The following MDM4 variants were observed in gnomAD, a reference collection of about 807,000 sequenced individuals.
MDM4 encodes MDM4 regulator of p53.
A neutral mutation model predicts 60.2 loss-of-function variants in MDM4; 2 were observed. The observed-to-expected ratio is 0.03, with a 90% CI of 0.01 to 0.10. The LOEUF (loss-of-function observed/expected upper bound fraction) is 0.10, where lower values mean the gene tolerates loss of function less well. Among genes scored for constraint, MDM4 ranks in the 10% least tolerant of loss-of-function variants. The pLI is 1.00. For synonymous variants in MDM4, 202 were observed against 198.1 expected (o/e 1.02, Z -0.17); for missense variants, 447 against 577.5 (o/e 0.77, Z 2.32).
At chr1:204,542,719 C>A in intron 7 of MDM4, 65 bp from the exon 8 acceptor site, 2 of 1,239,010 alleles carry the variant, frequency 1.6e-6, no homozygotes, top group Non-Finnish European at 2.2e-6. Context: ...TTTAAGTATT[C>A]TAAAGATAGT....
chr1:204,533,940 A>G (rs1306317799), intron 5 of MDM4, among the ~76,000 whole-genome samples: 1 of 151,892 alleles, frequency 6.6e-6, no homozygotes, highest in Non-Finnish European at 1.5e-5. Flanking sequence ...ATGGCACTGC[A>G]CTGCACCTGG....
intron 1 of MDM4, among the ~76,000 whole-genome samples, chr1:204,520,831 G>A (rs1265612720): frequency 6.6e-6 from 1 of 152,094 alleles, no homozygotes; most frequent in East Asian, 1.9e-4. Flanking sequence ...AGCTATGTTT[G>A]TGCCACTGTA....
At chr1:204,545,868 G>T (rs1307762311) in intron 9 of MDM4, among the ~76,000 whole-genome samples, 3 of 152,170 alleles carry the variant, frequency 2.0e-5, no homozygotes, top group African/African-American at 7.2e-5. Context: ...AAAATACTTG[G>T]CCATTTGTGA....
At chr1:204,523,182 T>C (rs892697728) in intron 1 of MDM4, among the ~76,000 whole-genome samples, 1 of 151,056 alleles carries the variant, frequency 6.6e-6, no homozygotes, top group Admixed American at 6.6e-5. Flanking sequence ...AAAAAAATTT[T>C]TTTTTGTCCA....
intron 3 of MDM4, chr1:204,529,059 A>G: frequency 1.3e-6 from 2 of 1,483,702 alleles, no homozygotes; most frequent in South Asian, 2.3e-5. Context: ...GTTGTAGCCC[A>G]TTTGGGACAG....
At chr1:204,526,458 ATTTTTTTTGTTT>A (rs1312634754) in intron 3 of MDM4, 24 bp downstream of exon 3, 7 of 1,415,088 alleles carry the variant, frequency 4.9e-6, no homozygotes, top group Non-Finnish European at 6.7e-6. Flanking sequence ...TAAAATTCTC[ATTTTTTTTGTTT>A]TTTTTTTTTT....
At chr1:204,538,908 T>C (rs1403238516) in intron 7 of MDM4, among the ~76,000 whole-genome samples, 1 of 144,814 alleles carries the variant, frequency 6.9e-6, no homozygotes, top group Non-Finnish European at 1.5e-5. Flanking sequence ...CTCATTCTTG[T>C]TACCTGGGCT....
intron 3 of MDM4, among the ~76,000 whole-genome samples, chr1:204,528,579 C>T (rs553256805): frequency 2.7e-4 from 41 of 152,304 alleles, no homozygotes; most frequent in African/African-American, 9.9e-4. Context: ...CAGGCTGTGC[C>T]ACTCAACTGC....
chr1:204,545,066 C>T (rs972169238), intron 9 of MDM4, among the ~76,000 whole-genome samples: 12 of 152,016 alleles, frequency 7.9e-5, no homozygotes, highest in African/African-American at 2.2e-4. Context: ...AGTTTTCTTG[C>T]GATTTTTTTT....
chr1:204,530,778 A>T lies in MDM4; in HGVS notation c.248A>T (p.Glu83Val). 1 of 1,613,902 alleles carries T rather than the reference A, an allele frequency of 6.2e-7. No homozygotes were observed. The highest frequency in any genetic ancestry group is 8.5e-7 in the Non-Finnish European group (1 of 1,179,968). ...TATTGTGGTGGAGATCTTTTGGGAGAACTACTGGGACGTCAGAGCTTCTCC... is the reference window on the plus strand; with the variant it reads ...TATTGTGGTGGAGATCTTTTGGGAGTACTACTGGGACGTCAGAGCTTCTCC... The part of the protein sequence containing the change: ...MVYCGGDLLG[E>V]LLGRQSFSVK... The change falls in exon 4 of 11, where the codon GAA (glutamate) becomes GTA (valine). Residue 83 changes from glutamate to valine, a missense_variant. Glu to Val is a moderately radical substitution (Grantham distance 121). Around this residue, in one of 8 missense-constraint regions of MDM4, gnomAD observed 31 missense variants for 87.6 expected, o/e 0.35. Transcript: ENST00000367182.
intron 9 of MDM4, among the ~76,000 whole-genome samples, chr1:204,545,212 A>T (rs1052193073): frequency 6.6e-6 from 1 of 152,206 alleles, no homozygotes; most frequent in Admixed American, 6.5e-5. Flanking sequence ...GTAGGAGAAA[A>T]CTTATTTCTT....
At chr1:204,547,667 A>C (rs1307510943) in intron 10 of MDM4, among the ~76,000 whole-genome samples, 1 of 152,246 alleles carries the variant, frequency 6.6e-6, no homozygotes, top group Non-Finnish European at 1.5e-5. Context: ...GTAATAAAGT[A>C]AAATATATTG....
Position 204,552,555 on chromosome 1 carries a change from C to G in MDM4, c.*2873C>G, listed in dbSNP as rs1220661030. 15 of 165,066 alleles carry G rather than the reference C, an allele frequency of 9.1e-5. No individual in the cohort carries two copies. In the Admixed American group the frequency reaches 9.7e-4, roughly 11 times the overall value. The allele number at this position is 165,066 out of a possible 1,614,324, so 10.2% of individuals were successfully genotyped here. A position where few individuals can be genotyped will look rare whatever the true frequency, so the allele number is the denominator to read the frequency against. On this transcript the variant is annotated 3_prime_UTR_variant, in exon 11 of 11. Transcript: ENST00000367182. ...GCCAGGCTGGTCTCGAACTCCTGAC[C>G]TCATGATCCACACACCTCGGCCTCC...
At chr1:204,533,759 T>TTTTC (rs201696563) in intron 5 of MDM4, among the ~76,000 whole-genome samples, 2 of 150,950 alleles carry the variant, frequency 1.3e-5, no homozygotes, top group Admixed American at 1.3e-4. Flanking sequence ...CTTTTTATCT[T>TTTTC]TTTCTTTCTT....
intron 3 of MDM4, chr1:204,528,732 G>A (rs1660516554): frequency 5.8e-6 from 4 of 689,306 alleles, no homozygotes; most frequent in Admixed American, 4.6e-5. Context: ...TCAAGCAAGG[G>A]AGAATGTTCT....
chr1:204,534,262 G>A (rs1277094933), intron 5 of MDM4, among the ~76,000 whole-genome samples: 5 of 152,302 alleles, frequency 3.3e-5, no homozygotes, highest in African/African-American at 1.2e-4. Context: ...TGATACGGCA[G>A]CTTTATTGAA....
rs59912938 is a variant in MDM4 at position 204,533,782 on chromosome 1, C to CTT, written c.343+1550_343+1551dup. On this transcript the variant is annotated intron_variant, in intron 5 of 10. Coordinates refer to ENST00000367182, the MANE Select transcript of MDM4 (RefSeq NM_002393.5). ...CTTTTTCTTTCTTTCTTTTCTTTTT[C>CTT]TTTTTTTTTTTTTTTAAATGTAGAG... 1.6e-3 allele frequency among the ~76,000 whole-genome samples: 223 copies of CTT among 139,238 alleles called. 3 individuals are homozygous for CTT. The highest frequency in any genetic ancestry group is 8.6e-3 in the South Asian group (38 of 4,420). 91.3% of individuals were successfully genotyped at this position (139,238 alleles called of 152,430 possible).
At chr1:204,520,792 C>T (rs1659497758) in intron 1 of MDM4, among the ~76,000 whole-genome samples, 1 of 152,164 alleles carries the variant, frequency 6.6e-6, no homozygotes, top group African/African-American at 2.4e-5. Flanking sequence ...GGGAGGATTA[C>T]TTGAGCCCAG....
In MDM4 at chr1:204,523,155, G is replaced by A. The variant is rs555955187; in HGVS notation, c.-35-2329G>A. Among the ~76,000 whole-genome samples the A allele has an allele frequency of 1.3e-4, 20 of 151,668 alleles. No homozygotes were observed. In the East Asian group the frequency reaches 4.0e-3, roughly 30 times the overall value. On this transcript the variant is annotated intron_variant, in intron 1 of 10. Transcript: ENST00000367182. The stretch of plus-strand genomic sequence containing the variant: ...TGGGATTACAGGCATGGGCCAGCGT[G>A]CCCGGCTGATAGTCTTAAAAAAATT...
Sources: gnomAD v4.1 joint callset for allele counts (sites outside exome capture counted in the v4.1 genomes callset) on GRCh38, gnomAD v4.1.1 for gene constraint, gnomAD v4.1.1 regional missense constraint, MANE v1.5 for transcripts, NCBI Gene and HGNC (gene_info 2026-07-23, HGNC 2026-07-21) for gene names.